BHMT2: variants seen among roughly 807,000 people sequenced by gnomAD.
BHMT2 encodes betaine--homocysteine S-methyltransferase 2, also known as S-methylmethionine--homocysteine S-methyltransferase BHMT2.
A neutral mutation model predicts 39.0 loss-of-function variants in BHMT2; 28 were observed. The observed-to-expected ratio is 0.72, with a 90% CI of 0.53 to 0.98. The LOEUF is 0.98. Ranked by LOEUF, BHMT2 falls within the 50% of genes least tolerant of loss-of-function variation. The probability of loss-of-function intolerance (pLI) is 0.00; values close to 1 mark genes in which losing one functional copy is unlikely to be tolerated. For synonymous variants in BHMT2, 145 were observed against 160.6 expected, an observed-to-expected ratio of 0.90 and a Z score of 0.74; for missense variants, 410 against 455.6, an observed-to-expected ratio of 0.90 and a Z score of 0.91.
chr5:79,075,212 G>A (rs1015856586), intron 1 of BHMT2, among the ~76,000 whole-genome samples: 11 of 152,112 alleles, frequency 7.2e-5, no homozygotes, highest in Non-Finnish European at 1.3e-4. Context: ...GACCCCTGCC[G>A]TAGGGAATGG....
At chr5:79,070,000 T>G (rs902924842) in intron 1 of BHMT2, among the ~76,000 whole-genome samples, 185 bp downstream of exon 1, 9 of 152,194 alleles carry the variant, frequency 5.9e-5, no homozygotes, top group African/African-American at 1.4e-4. Flanking sequence ...CCTTACTCGG[T>G]GCCTGGCGCT....
At chr5:79,075,221 G>A (rs974590420) in intron 1 of BHMT2, among the ~76,000 whole-genome samples, 3 of 152,132 alleles carry the variant, frequency 2.0e-5, no homozygotes, top group African/African-American at 7.2e-5. Flanking sequence ...CGTAGGGAAT[G>A]GCAAAGCAAT....
chr5:79,077,435 A>AT, intron 1 of BHMT2, 45 bp from the exon 2 acceptor site: 1 of 1,563,634 alleles, frequency 6.4e-7, no homozygotes. Flanking sequence ...TAGGAAAAAA[A>AT]AAAAAAGTAG....
chr5:79,087,572 G>T (rs146756759), intron 7 of BHMT2, among the ~76,000 whole-genome samples: 20 of 152,148 alleles, frequency 1.3e-4, no homozygotes, highest in African/African-American at 4.1e-4. Context: ...ATAAACACTA[G>T]ATTTCTGACA....
At chr5:79,069,852 G>A in intron 1 of BHMT2, 37 bp downstream of exon 1, 1 of 1,374,432 alleles carries the variant, frequency 7.3e-7, no homozygotes, top group Non-Finnish European at 9.5e-7. Context: ...GGAGCTCCTG[G>A]CCGCTGGGCT....
At chr5:79,071,577 G>A (rs1323597290) in intron 1 of BHMT2, among the ~76,000 whole-genome samples, 1 of 152,180 alleles carries the variant, frequency 6.6e-6, no homozygotes, top group African/African-American at 2.4e-5. Context: ...TATTTTACAT[G>A]TTCCTGTCTT....
rs375611100 is a variant in BHMT2, at chr5:79,088,505, G to C, written c.1023G>C (p.Glu341Asp). 25 of 1,613,860 alleles carry C rather than the reference G, an allele frequency of 1.5e-5. No individual in the cohort carries two copies. Among genetic ancestry groups the C allele is most frequent in the Non-Finnish European group, 2.1e-5 (25 of 1,179,932 alleles). Reference sequence around the variant, plus strand: ...TATTGAAACACAGGGCTCGAAGGGAGTATTGGGAGAATCTGCTGCCAGCTT... The same window carrying C: ...TATTGAAACACAGGGCTCGAAGGGACTATTGGGAGAATCTGCTGCCAGCTT... The part of the protein sequence containing the change: ...KPWIRARARR[E>D]YWENLLPASG... Residue 341 changes from glutamate (E) to aspartate (D), a missense_variant, in exon 8 of 8, where the codon GAG (glutamate) becomes GAC (aspartate). Coordinates refer to ENST00000255192, the MANE Select transcript of BHMT2 (RefSeq NM_017614.5).
intron 7 of BHMT2, among the ~76,000 whole-genome samples, chr5:79,085,552 G>A (rs901893688): frequency 3.3e-5 from 5 of 152,138 alleles, no homozygotes; most frequent in Non-Finnish European, 5.9e-5. Context: ...GTGGTGGCGG[G>A]AGCCTATAAT....
At chr5:79,074,306 G>A (rs1331160342) in intron 1 of BHMT2, among the ~76,000 whole-genome samples, 2 of 152,178 alleles carry the variant, frequency 1.3e-5, no homozygotes, top group African/African-American at 4.8e-5. Context: ...CATGCCATTC[G>A]ATGGAGATTA....
intron 7 of BHMT2, among the ~76,000 whole-genome samples, 176 bp downstream of exon 7, chr5:79,084,032 C>T (rs1265433687): frequency 1.3e-5 from 2 of 152,162 alleles, no homozygotes; most frequent in Non-Finnish European, 2.9e-5. Flanking sequence ...TCCATTTGGG[C>T]TGTTAGAACA....
intron 5 of BHMT2, 49 bp from the exon 6 acceptor site, chr5:79,083,143 A>G (rs1755823208): frequency 6.3e-7 from 1 of 1,587,276 alleles, no homozygotes; most frequent in East Asian, 2.3e-5. Context: ...ATTAAAAAAA[A>G]AGAATAAACA....
rs1233457060 is a variant in BHMT2, at chr5:79,088,499, A to T, written c.1017A>T (p.Arg339=). ...TGTATATATTGAAACACAGGGCTCG[A>T]AGGGAGTATTGGGAGAATCTGCTGC... ...HTKPWIRARA[R]REYWENLLPA... Residue 339 remains arginine, a synonymous_variant, in exon 8 of 8, where the codon CGA becomes CGT. Coordinates refer to ENST00000255192, the MANE Select transcript of BHMT2 (RefSeq NM_017614.5). 4 of 1,613,718 alleles carry T rather than the reference A, an allele frequency of 2.5e-6. No individual in the cohort carries two copies. Among genetic ancestry groups the T allele is most frequent in the Non-Finnish European group, 3.4e-6 (4 of 1,179,814 alleles).
intron 7 of BHMT2, among the ~76,000 whole-genome samples, chr5:79,084,823 C>G (rs1755864028): frequency 6.6e-6 from 1 of 152,138 alleles, no homozygotes. Flanking sequence ...ATAGGCTTCC[C>G]CTTTTCCCCG....
chr5:79,070,857 T>A lies in BHMT2; in HGVS notation c.33+1042T>A, dbSNP rs368155957. Among the ~76,000 whole-genome samples, 8 of 152,278 alleles carry A rather than the reference T, an allele frequency of 5.3e-5. No homozygotes were observed. The East Asian group carries it at 1.5e-3, about 29-fold the overall frequency. ...CATATACAAATATTTATATACACACTGTAAGGAAGGACACAATAATGGTAA... is the reference window on the plus strand; with the variant it reads ...CATATACAAATATTTATATACACACAGTAAGGAAGGACACAATAATGGTAA... On this transcript the variant is annotated intron_variant, in intron 1 of 7. Coordinates refer to ENST00000255192, the MANE Select transcript of BHMT2 (RefSeq NM_017614.5).
chr5:79,076,695 C>A (rs151261271), intron 1 of BHMT2, among the ~76,000 whole-genome samples: 4 of 145,416 alleles, frequency 2.8e-5, no homozygotes, highest in Admixed American at 6.9e-5. Flanking sequence ...AAAACTGTGT[C>A]CTGCCTCACT....
At position 79,083,864 on chromosome 5, in the gene BHMT2, T is replaced by A. The variant is rs1755842756; in HGVS notation, c.1010+8T>A. ...ACCCTGGATTAGAGCAAGGTAAGCA[T>A]TTTTAAATTAACATTCTTATTATTT... On this transcript the variant is annotated splice_region_variant and intron_variant, in intron 7 of 7. Transcript: ENST00000255192. The A allele has an allele frequency of 6.2e-7, 1 of 1,605,802 alleles. No homozygotes were observed. Among genetic ancestry groups the A allele is most frequent in the South Asian group, 1.1e-5 (1 of 89,590 alleles).
intron 1 of BHMT2, among the ~76,000 whole-genome samples, chr5:79,075,348 G>A (rs913079065): frequency 2.6e-5 from 4 of 152,168 alleles, no homozygotes; most frequent in African/African-American, 9.6e-5. Context: ...CACTGTTGTG[G>A]GGGCCTCTTT....
At chr5:79,077,374 C>T (rs1456191189) in intron 1 of BHMT2, 106 bp from the exon 2 acceptor site, 1 of 1,414,716 alleles carries the variant, frequency 7.1e-7, no homozygotes, top group African/African-American at 1.4e-5. Flanking sequence ...TTTAACAAAA[C>T]TACAGCTCTA....
intron 1 of BHMT2, among the ~76,000 whole-genome samples, chr5:79,073,054 C>T (rs927820112): frequency 1.3e-5 from 2 of 151,196 alleles, no homozygotes; most frequent in African/African-American, 4.9e-5. Flanking sequence ...ACTTCCAACT[C>T]CCAGGTTCAA....
Sources: allele counts gnomAD v4.1 joint callset (sites outside exome capture counted in the v4.1 genomes callset), GRCh38; gene constraint gnomAD v4.1.1; transcripts MANE v1.5; gene names NCBI Gene and HGNC (gene_info 2026-07-23, HGNC 2026-07-21).